RORA: variants seen among roughly 807,000 people sequenced by gnomAD.
RORA encodes the protein RAR related orphan receptor A.
RORA carries 7 observed loss-of-function variants against 69.5 expected under a neutral mutation model. The ratio of observed to expected loss-of-function variants is 0.10; its 90% CI spans 0.06 to 0.19. The LOEUF is 0.19. Ranked by LOEUF, RORA falls within the 10% of genes least tolerant of loss-of-function variation. The probability of loss-of-function intolerance (pLI) is 1.00; values close to 1 mark genes in which losing one functional copy is unlikely to be tolerated. For synonymous variants in RORA, 261 were observed against 240.8 expected, an observed-to-expected ratio of 1.08 and a Z score of -0.78; for missense variants, 457 against 663.0, an observed-to-expected ratio of 0.69 and a Z score of 3.41.
intron 1 of RORA, among the ~76,000 whole-genome samples, chr15:60,873,962 A>G (rs1567221449): frequency 6.6e-6 from 1 of 152,202 alleles, no homozygotes; most frequent in Non-Finnish European, 1.5e-5. Context: ...CAATTAGCTT[A>G]TAGGGAAGTC....
chr15:60,544,965 T>G (rs978777937), intron 2 of RORA: 3 of 152,298 alleles, frequency 2.0e-5, no homozygotes, highest in Admixed American at 2.0e-4. Flanking sequence ...GGTGGTAACA[T>G]AAAAGCTTAA....
rs116003754 is a variant in RORA, at chr15:60,738,578, T to C, written c.167-59892A>G. On this transcript the variant is annotated intron_variant, in intron 1 of 10. Transcript: ENST00000335670. Reference sequence around the variant, plus strand: ...ATGATATCGTTGGTATTAAGACAAATATAATCCAGGCTGGATTTCATCATT... The same window carrying C: ...ATGATATCGTTGGTATTAAGACAAACATAATCCAGGCTGGATTTCATCATT... 4.4e-3 allele frequency among the ~76,000 whole-genome samples: 663 copies of C among 152,382 alleles called. 7 individuals are homozygous for C. The highest frequency in any genetic ancestry group is 0.015 in the African/African-American group (639 of 41,584).
chr15:61,202,903 A>G (rs10519117), intron 1 of RORA, among the ~76,000 whole-genome samples: 9,290 of 152,234 alleles, frequency 0.061, 956 homozygotes, highest in African/African-American at 0.21. Flanking sequence ...ACACTTGTAC[A>G]ACCCAAGAAA....
chr15:60,522,684 T>C (rs1369725780), intron 3 of RORA, among the ~76,000 whole-genome samples: 1 of 151,342 alleles, frequency 6.6e-6, no homozygotes, highest in Non-Finnish European at 1.5e-5. Context: ...GTGGGAAGAT[T>C]GTTGGAGCCA....
chr15:60,707,231 C>T (rs2071075376), intron 1 of RORA, among the ~76,000 whole-genome samples: 1 of 152,162 alleles, frequency 6.6e-6, no homozygotes, highest in Non-Finnish European at 1.5e-5. Flanking sequence ...AGAAATCTCA[C>T]CCAGTCCCCT....
At chr15:61,197,401 C>T (rs1341216053) in intron 1 of RORA, among the ~76,000 whole-genome samples, 1 of 152,194 alleles carries the variant, frequency 6.6e-6, no homozygotes, top group Non-Finnish European at 1.5e-5. Flanking sequence ...CGAACCGCGG[C>T]CTGAGTTCTA....
In RORA at chr15:61,175,815, C is replaced by A. The variant is rs1319936641; in HGVS notation, c.166+53238G>T. Among the ~76,000 whole-genome samples the A allele has an allele frequency of 1.1e-4, 16 of 152,152 alleles. 1 individual carries two copies. Among genetic ancestry groups the A allele is most frequent in the Admixed American group, 1.0e-3 (16 of 15,280 alleles). On this transcript the variant is annotated intron_variant, in intron 1 of 10. Coordinates refer to ENST00000335670, the MANE Select transcript of RORA (RefSeq NM_134261.3). Reference sequence around the variant, plus strand: ...TGAGCCACAAAGCTAAGTCTCAGACCCATATTTCTTGCTCTGAGTTGGGCT... The same window carrying A: ...TGAGCCACAAAGCTAAGTCTCAGACACATATTTCTTGCTCTGAGTTGGGCT...
chr15:60,524,799 T>C (rs2066293279), intron 3 of RORA, among the ~76,000 whole-genome samples: 2 of 152,342 alleles, frequency 1.3e-5, no homozygotes, highest in African/African-American at 2.4e-5. Context: ...CTAGGCACCA[T>C]GTTGGACACT....
chr15:60,751,735 G>C (rs144933083), intron 1 of RORA, among the ~76,000 whole-genome samples: 1 of 152,206 alleles, frequency 6.6e-6, no homozygotes, highest in East Asian at 1.9e-4. Flanking sequence ...GCTTGGTGTC[G>C]CTATCCCTTC....
intron 1 of RORA, among the ~76,000 whole-genome samples, chr15:60,904,505 A>C (rs933244153): frequency 1.3e-5 from 2 of 152,202 alleles, no homozygotes; most frequent in African/African-American, 4.8e-5. Flanking sequence ...AGACTCAGCC[A>C]CAAGTCAGCA....
chr15:61,093,990 G>A (rs1001492909), intron 1 of RORA, among the ~76,000 whole-genome samples: 1 of 152,204 alleles, frequency 6.6e-6, no homozygotes, highest in Non-Finnish European at 1.5e-5. Flanking sequence ...CAAGGCACGT[G>A]ATGGCCAGAG....
At chr15:61,066,573 T>A (rs1217023311) in intron 1 of RORA, among the ~76,000 whole-genome samples, 6 of 151,812 alleles carry the variant, frequency 4.0e-5, no homozygotes, top group Admixed American at 1.3e-4. Flanking sequence ...ATTACAGGCA[T>A]GCGCCACCAC....
chr15:60,578,059 C>T (rs2068079108), intron 2 of RORA, among the ~76,000 whole-genome samples: 2 of 152,196 alleles, frequency 1.3e-5, no homozygotes, highest in East Asian at 1.9e-4. Context: ...TGTGGTACTA[C>T]ACTAAAACTC....
intron 1 of RORA, among the ~76,000 whole-genome samples, chr15:60,800,508 C>G (rs116844744): frequency 3.4e-3 from 524 of 152,290 alleles, no homozygotes; most frequent in Non-Finnish European, 5.6e-3. Flanking sequence ...GATTTCACAT[C>G]GTTTCTTCCT....
At chr15:61,195,084 A>G (rs1484681962) in intron 1 of RORA, among the ~76,000 whole-genome samples, 2 of 152,072 alleles carry the variant, frequency 1.3e-5, no homozygotes, top group Admixed American at 6.6e-5. Flanking sequence ...TTTAGGATCT[A>G]AAGAGGTATA....
At chr15:60,714,902 ACAG>A (rs1596148638) in intron 1 of RORA, among the ~76,000 whole-genome samples, 1 of 152,154 alleles carries the variant, frequency 6.6e-6, no homozygotes, top group East Asian at 1.9e-4. Flanking sequence ...CCCTCTTTTC[ACAG>A]AAGAGCCATC....
chr15:61,012,591 G>A (rs947766643), intron 1 of RORA, among the ~76,000 whole-genome samples: 1 of 151,970 alleles, frequency 6.6e-6, no homozygotes, highest in African/African-American at 2.4e-5. Flanking sequence ...GCAGATAAAT[G>A]TTTTTTTGAT....
At chr15:60,938,014 G>A (rs1892577497) in intron 1 of RORA, among the ~76,000 whole-genome samples, 1 of 152,092 alleles carries the variant, frequency 6.6e-6, no homozygotes. Flanking sequence ...AGGAAGGAGA[G>A]ACTCAGAGAA....
chr15:60,551,960 T>C (rs1317939941), intron 2 of RORA, among the ~76,000 whole-genome samples: 1 of 152,154 alleles, frequency 6.6e-6, no homozygotes, highest in Non-Finnish European at 1.5e-5. Context: ...TTGGGAAGAG[T>C]GAGCCGAGGC....
Sources: gnomAD v4.1 joint callset for allele counts (sites outside exome capture counted in the v4.1 genomes callset) on GRCh38, gnomAD v4.1.1 for gene constraint, MANE v1.5 for transcripts, NCBI Gene and HGNC (gene_info 2026-07-23, HGNC 2026-07-21) for gene names.